Variants in TENM4 observed in about 807,000 individuals in gnomAD.
The protein encoded by TENM4 is teneurin transmembrane protein 4.
A neutral mutation model predicts 243.3 loss-of-function variants in TENM4; 82 were observed. The observed-to-expected ratio is 0.34, with a 90% CI of 0.28 to 0.40. The LOEUF (loss-of-function observed/expected upper bound fraction) is 0.40. TENM4 is among the 10% of genes least tolerant of loss of function. The pLI is 1.00. For missense variants in TENM4, 3,138 were observed against 3,673.3 expected (o/e 0.85, Z 3.77); for synonymous variants, 1,412 against 1,456.3 (o/e 0.97, Z 0.69).
chr11:78,950,214 T>C (rs553673670), intron 6 of TENM4, among the ~76,000 whole-genome samples: 2 of 152,272 alleles, frequency 1.3e-5, no homozygotes, highest in East Asian at 3.9e-4. Flanking sequence ...CCAGACCTCA[T>C]GCATCATCTT....
In TENM4 at chr11:78,738,568, T is replaced by A. The variant is rs554290319; in HGVS notation, c.2759A>T (p.His920Leu). 5 of 1,613,542 alleles carry A rather than the reference T, an allele frequency of 3.1e-6. No individual in the cohort carries two copies. In the South Asian group the frequency reaches 5.5e-5, roughly 18 times the overall value. ...CACTTGGCCACGAATAACACAAGCA[T>A]GCCTGTGGGAAGAGAAGAGAGAATA... ...IPGENPFDGG[H>L]ACVIRGQVMT... Residue 920 changes from histidine to leucine, a missense_variant and splice_region_variant, in exon 20 of 34, where the codon CAT becomes CTT. Around this residue, in one of 2 missense-constraint regions of TENM4, gnomAD observed 2,467 missense variants for 3,059.1 expected, o/e 0.81. Transcript: ENST00000278550.
intron 15 of TENM4, among the ~76,000 whole-genome samples, chr11:78,801,635 A>T (rs1857284547): frequency 6.6e-6 from 1 of 152,210 alleles, no homozygotes; most frequent in South Asian, 2.1e-4. Context: ...GCTTTCATTA[A>T]ATCCTGTTCT....
At chr11:78,970,044 A>G (rs1345816951) in intron 6 of TENM4, among the ~76,000 whole-genome samples, 1 of 152,216 alleles carries the variant, frequency 6.6e-6, no homozygotes, top group Non-Finnish European at 1.5e-5. Context: ...CAGTTGCTTC[A>G]CTGAATAAGT....
intron 3 of TENM4, among the ~76,000 whole-genome samples, chr11:79,211,949 C>A (rs1863963975): frequency 6.6e-6 from 1 of 152,168 alleles, no homozygotes; most frequent in Non-Finnish European, 1.5e-5. Context: ...CCTCAGGCAG[C>A]AATTTCTGCC....
intron 12 of TENM4, among the ~76,000 whole-genome samples, chr11:78,837,012 A>G (rs947196822): frequency 6.6e-6 from 1 of 152,174 alleles, no homozygotes; most frequent in African/African-American, 2.4e-5. Flanking sequence ...TGTTCATTTT[A>G]TCACTTGAGC....
chr11:79,044,333 T>C (rs1859607227), intron 6 of TENM4, among the ~76,000 whole-genome samples: 1 of 152,188 alleles, frequency 6.6e-6, no homozygotes, highest in South Asian at 2.1e-4. Flanking sequence ...GTCAGGGCAC[T>C]AATAAAAACA....
intron 10 of TENM4, among the ~76,000 whole-genome samples, chr11:78,860,113 T>C (rs1047045777): frequency 8.5e-5 from 13 of 152,218 alleles, no homozygotes; most frequent in African/African-American, 3.1e-4. Context: ...AAGAAATATA[T>C]ATTCTTTAAC....
At chr11:78,723,063 C>T (rs930024538) in intron 23 of TENM4, 146 bp from the exon 24 acceptor site, 4 of 1,117,912 alleles carry the variant, frequency 3.6e-6, no homozygotes, top group Admixed American at 2.6e-5. Flanking sequence ...TTTGCCTCAC[C>T]CCCCCAATGG....
At chr11:78,694,393 C>T (rs1858904216) in intron 28 of TENM4, among the ~76,000 whole-genome samples, 1 of 152,146 alleles carries the variant, frequency 6.6e-6, no homozygotes, top group Admixed American at 6.5e-5. Flanking sequence ...TTAGCTACTC[C>T]AAAACTGGAT....
chr11:79,435,206 A>G (rs2135621666), intron 1 of TENM4, among the ~76,000 whole-genome samples: 1 of 152,120 alleles, frequency 6.6e-6, no homozygotes, highest in African/African-American at 2.4e-5. Context: ...AGCACATATT[A>G]CTTTGGTCAT....
chr11:79,382,801 G>T, intron 1 of TENM4, among the ~76,000 whole-genome samples: 1 of 152,100 alleles, frequency 6.6e-6, no homozygotes, highest in Non-Finnish European at 1.5e-5. Flanking sequence ...TCCTCTCTAT[G>T]GGGAGAATCC....
chr11:78,828,905 A>G (rs1380991527), intron 12 of TENM4, among the ~76,000 whole-genome samples: 1 of 152,268 alleles, frequency 6.6e-6, no homozygotes, highest in Admixed American at 6.5e-5. Context: ...TGTTAGCTCC[A>G]GCCTGGGCCT....
At chr11:78,756,763 C>T in intron 19 of TENM4, 42 bp downstream of exon 19, 1 of 1,564,324 alleles carries the variant, frequency 6.4e-7, no homozygotes, top group South Asian at 1.2e-5. Context: ...ATTCAGTTCT[C>T]CCTCAGAGAG....
intron 6 of TENM4, among the ~76,000 whole-genome samples, chr11:78,909,966 G>T (rs745763353): frequency 1.3e-5 from 2 of 152,152 alleles, no homozygotes; most frequent in Non-Finnish European, 2.9e-5. Flanking sequence ...GAACCAGGCC[G>T]GGACAGGCTA....
intron 12 of TENM4, among the ~76,000 whole-genome samples, chr11:78,817,590 A>G (rs536163103): frequency 3.3e-5 from 5 of 152,370 alleles, no homozygotes; most frequent in African/African-American, 1.2e-4. Context: ...CTGTTTTCAG[A>G]AAGAACCACT....
chr11:78,794,698 C>T (rs1259700066), intron 15 of TENM4, among the ~76,000 whole-genome samples: 1 of 152,126 alleles, frequency 6.6e-6, no homozygotes, highest in African/African-American at 2.4e-5. Flanking sequence ...GAGTGATGGA[C>T]CAGCGGAAGA....
intron 15 of TENM4, among the ~76,000 whole-genome samples, chr11:78,791,130 G>T (rs1339723570): frequency 2.0e-5 from 3 of 152,172 alleles, no homozygotes; most frequent in Non-Finnish European, 2.9e-5. Flanking sequence ...TGGATTCTCT[G>T]CAGATGGGCC....
intron 2 of TENM4, among the ~76,000 whole-genome samples, chr11:79,254,410 A>G (rs1171131130): frequency 6.6e-6 from 1 of 152,200 alleles, no homozygotes; most frequent in African/African-American, 2.4e-5. Flanking sequence ...CAGAGGATAA[A>G]TGGGCTCTTT....
At chr11:79,376,899 A>G (rs1028879140) in intron 1 of TENM4, among the ~76,000 whole-genome samples, 3 of 152,202 alleles carry the variant, frequency 2.0e-5, no homozygotes, top group Admixed American at 6.5e-5. Flanking sequence ...ATGGCTCCCA[A>G]TGATATCAGG....
Sources: allele counts gnomAD v4.1 joint callset (sites outside exome capture counted in the v4.1 genomes callset), GRCh38; gene constraint gnomAD v4.1.1; regional missense constraint gnomAD v4.1.1; transcripts MANE v1.5; gene names NCBI Gene and HGNC (gene_info 2026-07-23, HGNC 2026-07-21).